Variants in GRID1 observed in about 807,000 individuals in gnomAD.
GRID1 encodes the protein glutamate receptor ionotropic, delta-1.
In GRID1, 28 loss-of-function variants were observed where a neutral mutation model predicts 98.0. The observed-to-expected ratio is 0.29, with a 90% CI of 0.21 to 0.39. The LOEUF (loss-of-function observed/expected upper bound fraction) is 0.39. Ranked by LOEUF, GRID1 falls within the 10% of genes least tolerant of loss-of-function variation. The pLI is 1.00. For missense variants in GRID1, 1,111 were observed against 1,340.5 expected (o/e 0.83, Z 2.67); for synonymous variants, 553 against 538.5 (o/e 1.03, Z -0.37).
At chr10:85,743,972 A>G (rs1325070488) in intron 8 of GRID1, among the ~76,000 whole-genome samples, 1 of 152,188 alleles carries the variant, frequency 6.6e-6, no homozygotes, top group Non-Finnish European at 1.5e-5. Flanking sequence ...TAGAAGATAG[A>G]AGCCAAGATT....
At chr10:85,648,873 G>T (rs1440908723) in intron 12 of GRID1, among the ~76,000 whole-genome samples, 1 of 152,192 alleles carries the variant, frequency 6.6e-6, no homozygotes, top group Non-Finnish European at 1.5e-5. Context: ...AGGGCCATGT[G>T]CCAGAGCAGA....
chr10:85,724,742 C>T (rs1033389765), intron 10 of GRID1, 66 bp from the exon 11 acceptor site: 14 of 1,314,814 alleles, frequency 1.1e-5, no homozygotes, highest in Admixed American at 1.8e-5. Flanking sequence ...TGCCCTGGGT[C>T]AAGGTCCACC....
At chr10:85,753,309 G>A (rs1352021250) in intron 8 of GRID1, among the ~76,000 whole-genome samples, 1 of 152,200 alleles carries the variant, frequency 6.6e-6, no homozygotes, top group African/African-American at 2.4e-5. Flanking sequence ...GCACTGCCAT[G>A]TGTGGCACAT....
chr10:85,649,383 A>G (rs1467565515), intron 12 of GRID1, among the ~76,000 whole-genome samples: 1 of 152,158 alleles, frequency 6.6e-6, no homozygotes, highest in Non-Finnish European at 1.5e-5. Flanking sequence ...CTTTCTAATT[A>G]TTGTTCATTA....
At chr10:85,983,160 C>T (rs996281770) in intron 4 of GRID1, among the ~76,000 whole-genome samples, 1 of 152,186 alleles carries the variant, frequency 6.6e-6, no homozygotes, top group Non-Finnish European at 1.5e-5. Context: ...CTCCTGAGCC[C>T]ACCCACCACC....
intron 8 of GRID1, among the ~76,000 whole-genome samples, chr10:85,754,426 A>G (rs1842076898): frequency 6.6e-6 from 1 of 152,228 alleles, no homozygotes; most frequent in African/African-American, 2.4e-5. Context: ...ATCATGAGTT[A>G]CATATGAGAA....
At chr10:86,250,791 C>T (rs537242857) in intron 2 of GRID1, among the ~76,000 whole-genome samples, 10 of 151,144 alleles carry the variant, frequency 6.6e-5, no homozygotes, top group African/African-American at 2.2e-4. Context: ...GCCGCCACCC[C>T]GTCTGGGAGG....
At chr10:86,200,786 C>T (rs1301686364) in intron 3 of GRID1, among the ~76,000 whole-genome samples, 1 of 152,040 alleles carries the variant, frequency 6.6e-6, no homozygotes, top group Non-Finnish European at 1.5e-5. Context: ...ACAGGTGTTT[C>T]ACAAAAAAGA....
At chr10:85,787,193 A>G (rs1842437513) in intron 8 of GRID1, among the ~76,000 whole-genome samples, 1 of 152,148 alleles carries the variant, frequency 6.6e-6, no homozygotes. Context: ...GATCACAGAC[A>G]TAGTGAATCC....
chr10:85,869,288 G>C, intron 5 of GRID1, 108 bp from the exon 6 acceptor site: 1 of 937,726 alleles, frequency 1.1e-6, no homozygotes. Flanking sequence ...ATGCCAAAGA[G>C]GGCAAGGGAT....
At chr10:86,100,448 AACTT>A (rs1457581158) in intron 4 of GRID1, among the ~76,000 whole-genome samples, 1 of 152,200 alleles carries the variant, frequency 6.6e-6, no homozygotes, top group Non-Finnish European at 1.5e-5. Flanking sequence ...GCTCTGGTGA[AACTT>A]ACACTCCAGT....
chr10:85,904,840 C>T (rs1841438062), intron 5 of GRID1, among the ~76,000 whole-genome samples: 2 of 151,704 alleles, frequency 1.3e-5, no homozygotes, highest in Non-Finnish European at 2.9e-5. Context: ...AGAAAAAGAA[C>T]ATCAGTGACG....
chr10:86,222,815 G>T (rs570659729), intron 2 of GRID1, among the ~76,000 whole-genome samples: 2 of 152,264 alleles, frequency 1.3e-5, no homozygotes, highest in African/African-American at 4.8e-5. Flanking sequence ...AGGGGGGCAG[G>T]GCACCCCCTT....
At chr10:85,985,947 A>G (rs889510731) in intron 4 of GRID1, among the ~76,000 whole-genome samples, 2 of 152,358 alleles carry the variant, frequency 1.3e-5, no homozygotes, top group Non-Finnish European at 2.9e-5. Context: ...CTCTCAGAAC[A>G]TGAATTCACT....
intron 5 of GRID1, among the ~76,000 whole-genome samples, chr10:85,913,137 A>C (rs1231560955): frequency 6.6e-6 from 1 of 152,082 alleles, no homozygotes; most frequent in Non-Finnish European, 1.5e-5. Context: ...AGACTTCAAA[A>C]AAGTCCCTGA....
At chr10:86,156,348 C>T (rs1033811724) in intron 3 of GRID1, among the ~76,000 whole-genome samples, 25 of 152,214 alleles carry the variant, frequency 1.6e-4, no homozygotes, top group African/African-American at 5.8e-4. Flanking sequence ...CTCATTAGTC[C>T]AGAAGAGGTC....
At chr10:86,128,791 T>C (rs188615585) in intron 4 of GRID1, among the ~76,000 whole-genome samples, 1 of 152,156 alleles carries the variant, frequency 6.6e-6, no homozygotes, top group Non-Finnish European at 1.5e-5. Flanking sequence ...CATGCCCATA[T>C]CTTTACATTT....
chr10:85,646,108 A>ATAAG (rs1564687721), intron 13 of GRID1: 2 of 117,122 alleles, frequency 1.7e-5, no homozygotes, highest in Non-Finnish European at 3.5e-5. Context: ...CAGCACAGGG[A>ATAAG]TGAGTGTGTG....
chr10:86,223,358 C>T (rs1323070171), intron 2 of GRID1, among the ~76,000 whole-genome samples: 2 of 152,226 alleles, frequency 1.3e-5, no homozygotes, highest in Non-Finnish European at 2.9e-5. Context: ...AGGACACACA[C>T]CAGAGAAGGA....
Sources: allele counts gnomAD v4.1 joint callset (sites outside exome capture counted in the v4.1 genomes callset), GRCh38; gene constraint gnomAD v4.1.1; transcripts MANE v1.5; gene names NCBI Gene and HGNC (gene_info 2026-07-23, HGNC 2026-07-21).